The following CUX2 variants were observed in gnomAD, a reference collection of about 807,000 sequenced individuals.
CUX2 encodes the protein cut like homeobox 2, also known as homeobox protein cut-like 2.
A neutral mutation model predicts 144.8 loss-of-function variants in CUX2; 40 were observed. The observed-to-expected ratio is 0.28, with a 90% CI of 0.21 to 0.36. The LOEUF is 0.36. Ranked by LOEUF, CUX2 falls within the 10% of genes least tolerant of loss-of-function variation. The pLI is 1.00. For synonymous variants in CUX2, 827 were observed against 875.6 expected (o/e 0.94, Z 0.98); for missense variants, 1,615 against 1,994.0 (o/e 0.81, Z 3.62).
chr12:111,232,905 G>A (rs748081584), intron 3 of CUX2, among the ~76,000 whole-genome samples: 6 of 152,194 alleles, frequency 3.9e-5, no homozygotes, highest in Non-Finnish European at 8.8e-5. Flanking sequence ...CCCTTTCGCG[G>A]GAAGACAGTT....
chr12:111,067,304 A>G (rs1871060151), intron 1 of CUX2, among the ~76,000 whole-genome samples: 1 of 152,174 alleles, frequency 6.6e-6, no homozygotes, highest in South Asian at 2.1e-4. Context: ...TTTCAGCTGG[A>G]GCAGGTCTCT....
At chr12:111,168,120 C>T (rs549190664) in intron 1 of CUX2, among the ~76,000 whole-genome samples, 1 of 152,294 alleles carries the variant, frequency 6.6e-6, no homozygotes, top group South Asian at 2.1e-4. Context: ...TGAAGTCTTT[C>T]TAAACTGCCC....
intron 18 of CUX2, among the ~76,000 whole-genome samples, chr12:111,326,443 C>T (rs1016144946): frequency 4.0e-5 from 4 of 101,040 alleles, no homozygotes; most frequent in Non-Finnish European, 6.1e-5. Context: ...TGTTTATAGT[C>T]TTGTGGTGGG....
At chr12:111,253,677 C>T (rs1883678243) in intron 3 of CUX2, among the ~76,000 whole-genome samples, 1 of 152,130 alleles carries the variant, frequency 6.6e-6, no homozygotes, top group Non-Finnish European at 1.5e-5. Context: ...TAGAACAGCC[C>T]CATCCCTAGG....
intron 2 of CUX2, among the ~76,000 whole-genome samples, chr12:111,216,698 C>G (rs1351591031): frequency 6.6e-6 from 1 of 152,194 alleles, no homozygotes; most frequent in Non-Finnish European, 1.5e-5. Context: ...GTTTCCTTAT[C>G]CATGGCTCAG....
At chr12:111,214,120 C>T in intron 1 of CUX2, 80 bp from the exon 2 acceptor site, 2 of 803,628 alleles carry the variant, frequency 2.5e-6, no homozygotes, top group Non-Finnish European at 1.9e-6. Flanking sequence ...CTGTTTTGTA[C>T]AGTGGTTAAA....
chr12:111,331,005 A>G (rs1321355503), intron 18 of CUX2, among the ~76,000 whole-genome samples: 1 of 151,606 alleles, frequency 6.6e-6, no homozygotes, highest in Non-Finnish European at 1.5e-5. Context: ...GATTAGAAGG[A>G]AAGTCCTCAG....
At position 111,348,397 on chromosome 12, in the gene CUX2, A is replaced by G. The variant is rs1326542545; in HGVS notation, c.*72A>G. 7.1e-7 allele frequency: 1 copy of G among 1,399,452 alleles called. No individual in the cohort carries two copies. The allele number at this position is 1,399,452 out of a possible 1,614,324, so 86.7% of individuals were successfully genotyped here. A position where few individuals can be genotyped will look rare whatever the true frequency, so the allele number is the denominator to read the frequency against. On this transcript the variant is annotated 3_prime_UTR_variant, in exon 22 of 22. Transcript: ENST00000261726. ...TCTCGCACTTACTCTCCTCAACAGGATGGGGTAAGGGAGGGAGGAACTCAA... is the reference window on the plus strand; with the variant it reads ...TCTCGCACTTACTCTCCTCAACAGGGTGGGGTAAGGGAGGGAGGAACTCAA...
At chr12:111,325,428 C>G (rs994100568) in intron 18 of CUX2, among the ~76,000 whole-genome samples, 8 of 152,172 alleles carry the variant, frequency 5.3e-5, no homozygotes, top group Non-Finnish European at 1.2e-4. Flanking sequence ...TTATCATTTC[C>G]ATTTCACAGA....
intron 1 of CUX2, among the ~76,000 whole-genome samples, chr12:111,139,990 T>C (rs1230691479): frequency 1.3e-5 from 2 of 152,160 alleles, no homozygotes; most frequent in African/African-American, 4.8e-5. Flanking sequence ...AATGGGGATA[T>C]AAATGAGGGT....
chr12:111,099,078 C>T (rs1566218705), intron 1 of CUX2, among the ~76,000 whole-genome samples: 1 of 152,256 alleles, frequency 6.6e-6, no homozygotes, highest in Non-Finnish European at 1.5e-5. Context: ...AGGCCACCTA[C>T]ATCATCTGCT....
At chr12:111,144,793 C>T (rs775160433) in intron 1 of CUX2, among the ~76,000 whole-genome samples, 10 of 151,466 alleles carry the variant, frequency 6.6e-5, no homozygotes, top group Non-Finnish European at 8.8e-5. Flanking sequence ...AATTGGGGGC[C>T]GGGGAGGGGG....
chr12:111,304,395 G>A lies in CUX2; in HGVS notation c.858+81G>A. 2.6e-6 allele frequency: 3 copies of A among 1,156,356 alleles called. No homozygotes were observed. The highest frequency in any genetic ancestry group is 2.5e-5 in the East Asian group (1 of 40,154). 71.6% of individuals were successfully genotyped at this position (1,156,356 alleles called of 1,614,324 possible). On this transcript the variant is annotated intron_variant, in intron 10 of 21. Transcript: ENST00000261726. The surrounding 1 kb of genome is among the most constrained non-coding windows in gnomAD (Gnocchi z 4.7). Reference sequence around the variant, plus strand: ...GCTGAGTTTGCAGGTTTCAGCATGTGGGTGACACTTTGTGGTTGATTGTGT... The same window carrying A: ...GCTGAGTTTGCAGGTTTCAGCATGTAGGTGACACTTTGTGGTTGATTGTGT...
chr12:111,322,917 C>T lies in CUX2; in HGVS notation c.2926+337C>T, dbSNP rs1192902320. On this transcript the variant is annotated intron_variant, in intron 18 of 21. Transcript: ENST00000261726. This position sits in a 1 kb window ranked among gnomAD's most constrained non-coding sequence, Gnocchi z 4.2. ...GAGTCCCACATCTGGAATTGCTCAT[C>T]GATCTCAGCTCTGTTTCCTGAAGAC... is the stretch of plus-strand genomic sequence containing the variant. Among the ~76,000 whole-genome samples, 2 of 152,226 alleles carry T rather than the reference C, an allele frequency of 1.3e-5. No homozygotes were observed. The highest frequency in any genetic ancestry group is 3.8e-4 in the East Asian group (2 of 5,204).
intron 16 of CUX2, among the ~76,000 whole-genome samples, chr12:111,317,898 G>A (rs1887278446): frequency 1.3e-5 from 2 of 152,146 alleles, no homozygotes; most frequent in Admixed American, 6.5e-5. Context: ...TACTCGGGAG[G>A]CTGAGGCAAG....
chr12:111,124,941 T>A (rs1874956500), intron 1 of CUX2, among the ~76,000 whole-genome samples: 1 of 152,158 alleles, frequency 6.6e-6, no homozygotes, highest in Non-Finnish European at 1.5e-5. Context: ...GGGTTCTGAT[T>A]TCTAATGATT....
chr12:111,050,315 C>T (rs944972637), intron 1 of CUX2, among the ~76,000 whole-genome samples: 2 of 152,160 alleles, frequency 1.3e-5, no homozygotes, highest in Non-Finnish European at 2.9e-5. Flanking sequence ...CACTCTGTGC[C>T]CTGACCCTGT....
Position 111,263,010 on chromosome 12 carries a change from C to T in CUX2, c.223-751C>T, listed in dbSNP as rs1036094080. Among the ~76,000 whole-genome samples, 2 of 152,212 alleles carry T rather than the reference C, an allele frequency of 1.3e-5. No homozygotes were observed. Among genetic ancestry groups the T allele is most frequent in the Admixed American group, 6.5e-5 (1 of 15,276 alleles). On this transcript the variant is annotated intron_variant, in intron 3 of 21. Coordinates refer to ENST00000261726, the MANE Select transcript of CUX2 (RefSeq NM_015267.4). The surrounding 1 kb of genome is among the most constrained non-coding windows in gnomAD (Gnocchi z 4.0). ...AGGAGGTAGGTCCTGTTATTTACCC[C>T]GCATTTTACAGATGAAGAAACTGAG...
intron 3 of CUX2, among the ~76,000 whole-genome samples, chr12:111,226,249 A>G (rs569444486): frequency 5.3e-5 from 8 of 152,212 alleles, no homozygotes; most frequent in African/African-American, 1.9e-4. Context: ...TGGCCTTCCC[A>G]TCCTCCCTCC....
Sources: allele counts gnomAD v4.1 joint callset (sites outside exome capture counted in the v4.1 genomes callset), GRCh38; gene constraint gnomAD v4.1.1; non-coding constraint Gnocchi (gnomAD v3.1); transcripts MANE v1.5; gene names NCBI Gene and HGNC (gene_info 2026-07-23, HGNC 2026-07-21).